The following PTPRR variants were observed in gnomAD, a reference collection of about 807,000 sequenced individuals.
PTPRR encodes the protein protein tyrosine phosphatase receptor type R, also known as receptor-type tyrosine-protein phosphatase R.
In PTPRR, 38 loss-of-function variants were observed where a neutral mutation model predicts 77.2. The ratio of observed to expected loss-of-function variants is 0.49; its 90% CI spans 0.38 to 0.65. The LOEUF is 0.65. PTPRR is among the 30% of genes least tolerant of loss of function. The probability of loss-of-function intolerance (pLI) is 0.00; values close to 1 mark genes in which losing one functional copy is unlikely to be tolerated. For missense variants in PTPRR, 744 were observed against 799.2 expected (o/e 0.93, Z 0.83); for synonymous variants, 299 against 283.1 (o/e 1.06, Z -0.57).
chr12:70,810,634 T>C lies in PTPRR; in HGVS notation c.358-45856A>G, dbSNP rs888906643. On this transcript the variant is annotated intron_variant, in intron 2 of 13. Transcript: ENST00000283228. ...ACCAAAACCTTAAGTTGCCTGGAGG[T>C]GCTTACTGAGAAATCATTTCTCTGA... 2.6e-5 allele frequency among the ~76,000 whole-genome samples: 4 copies of C among 152,130 alleles called. No homozygotes were observed. In the South Asian group the frequency reaches 8.3e-4, roughly 31 times the overall value.
chr12:70,729,678 C>G (rs1323419512), intron 6 of PTPRR, among the ~76,000 whole-genome samples: 1 of 152,102 alleles, frequency 6.6e-6, no homozygotes, highest in African/African-American at 2.4e-5. Flanking sequence ...CGAAATTAAG[C>G]ATTTATTAAG....
chr12:70,873,171 G>A (rs915043330), intron 2 of PTPRR, among the ~76,000 whole-genome samples: 21 of 152,184 alleles, frequency 1.4e-4, no homozygotes, highest in African/African-American at 3.1e-4. Context: ...AGACTCCTAC[G>A]CCTATGAGTA....
chr12:70,731,745 G>T (rs546498374), intron 6 of PTPRR, among the ~76,000 whole-genome samples: 2 of 152,286 alleles, frequency 1.3e-5, no homozygotes, highest in South Asian at 2.1e-4. Flanking sequence ...TAACTCCCAT[G>T]AGTAAGGCTA....
intron 2 of PTPRR, among the ~76,000 whole-genome samples, chr12:70,807,885 C>T (rs1372974429): frequency 6.6e-6 from 1 of 152,102 alleles, no homozygotes; most frequent in Non-Finnish European, 1.5e-5. Flanking sequence ...AATATCAAAT[C>T]TGGGCACCTT....
chr12:70,801,046 A>G (rs1043639816), intron 2 of PTPRR, among the ~76,000 whole-genome samples: 1 of 152,222 alleles, frequency 6.6e-6, no homozygotes, highest in African/African-American at 2.4e-5. Flanking sequence ...TAACAATTTT[A>G]AAAAAGAACT....
chr12:70,768,415 T>C (rs1890882396), intron 2 of PTPRR, among the ~76,000 whole-genome samples: 1 of 152,084 alleles, frequency 6.6e-6, no homozygotes, highest in Non-Finnish European at 1.5e-5. Flanking sequence ...CTAGAAGAAA[T>C]GGATAAATTC....
chr12:70,770,999 T>C (rs1890959039), intron 2 of PTPRR, among the ~76,000 whole-genome samples: 1 of 83,010 alleles, frequency 1.2e-5, no homozygotes, highest in African/African-American at 4.9e-5. Context: ...CTCTGGGGAC[T>C]GTTGTGGGGT....
chr12:70,894,418 T>C (rs923936032), intron 1 of PTPRR, among the ~76,000 whole-genome samples: 33 of 151,686 alleles, frequency 2.2e-4, no homozygotes, highest in African/African-American at 8.0e-4. Flanking sequence ...GAATCACCTC[T>C]ACATCAGTGG....
chr12:70,836,014 C>T (rs547512807), intron 2 of PTPRR, among the ~76,000 whole-genome samples: 2 of 152,056 alleles, frequency 1.3e-5, no homozygotes, highest in Non-Finnish European at 2.9e-5. Flanking sequence ...CACTACTGCT[C>T]CCACAGATTT....
chr12:70,746,402 T>A (rs1890215971), intron 5 of PTPRR, among the ~76,000 whole-genome samples: 1 of 152,174 alleles, frequency 6.6e-6, no homozygotes, highest in Non-Finnish European at 1.5e-5. Context: ...CATGGGGAAA[T>A]GGTAGGCTTA....
intron 6 of PTPRR, among the ~76,000 whole-genome samples, chr12:70,718,534 G>C (rs1439570372): frequency 1.3e-5 from 2 of 152,106 alleles, no homozygotes; most frequent in African/African-American, 2.4e-5. Context: ...AAAATGCTGG[G>C]ATTACAGGTG....
At chr12:70,798,574 TCCAG>T (rs1309611419) in intron 2 of PTPRR, among the ~76,000 whole-genome samples, 1 of 152,218 alleles carries the variant, frequency 6.6e-6, no homozygotes, top group Non-Finnish European at 1.5e-5. Flanking sequence ...TTTCCAGTGC[TCCAG>T]CCACACTGGC....
chr12:70,812,756 T>C (rs1223868102), intron 2 of PTPRR, among the ~76,000 whole-genome samples: 2 of 152,136 alleles, frequency 1.3e-5, no homozygotes, highest in East Asian at 1.9e-4. Flanking sequence ...TTCAGAAAAA[T>C]GCCCTCCTTA....
chr12:70,905,653 T>C (rs1893610350), intron 1 of PTPRR, among the ~76,000 whole-genome samples: 1 of 151,974 alleles, frequency 6.6e-6, no homozygotes, highest in Admixed American at 6.6e-5. Context: ...TTACAATGTT[T>C]AGTTAGAGTA....
intron 2 of PTPRR, among the ~76,000 whole-genome samples, chr12:70,887,316 G>A (rs11178476): frequency 0.12 from 18,500 of 151,992 alleles, 2,104 homozygotes; most frequent in African/African-American, 0.3. Flanking sequence ...GCTGGGCGTG[G>A]TGGTCCGTGC....
chr12:70,681,946 C>T (rs1887678442), intron 10 of PTPRR, among the ~76,000 whole-genome samples: 1 of 150,872 alleles, frequency 6.6e-6, no homozygotes, highest in South Asian at 2.1e-4. Flanking sequence ...TCAAGAGAGC[C>T]TTTTCGTTTA....
intron 2 of PTPRR, among the ~76,000 whole-genome samples, chr12:70,796,918 T>C (rs144347209): frequency 0.02 from 3,023 of 152,162 alleles, 52 homozygotes; most frequent in East Asian, 0.059. Context: ...CTCAGGAGGC[T>C]GAGGCAGGAG....
At chr12:70,887,663 C>T (rs913950828) in intron 2 of PTPRR, among the ~76,000 whole-genome samples, 1 of 152,086 alleles carries the variant, frequency 6.6e-6, no homozygotes, top group Admixed American at 6.6e-5. Flanking sequence ...CTAGGTAGAA[C>T]AGCAAGAGTA....
intron 4 of PTPRR, among the ~76,000 whole-genome samples, chr12:70,756,243 A>T (rs1890560143): frequency 6.6e-6 from 1 of 152,040 alleles, no homozygotes; most frequent in African/African-American, 2.4e-5. Context: ...ATGATGAAAG[A>T]ATTAACTCCC....
Sources: gnomAD v4.1 joint callset for allele counts (sites outside exome capture counted in the v4.1 genomes callset) on GRCh38, gnomAD v4.1.1 for gene constraint, MANE v1.5 for transcripts, NCBI Gene and HGNC (gene_info 2026-07-23, HGNC 2026-07-21) for gene names.